The following RNF213 variants were observed in gnomAD, a reference collection of about 807,000 sequenced individuals.
RNF213 encodes E3 ubiquitin-protein ligase RNF213.
Under a neutral mutation model 514.4 loss-of-function variants are expected in RNF213, and 341 were observed. That is an observed-to-expected ratio of 0.66 (90% CI 0.61 to 0.73). The LOEUF (loss-of-function observed/expected upper bound fraction) is 0.73, where lower values mean the gene tolerates loss of function less well. Among genes scored for constraint, RNF213 ranks in the 30% least tolerant of loss-of-function variants. The pLI is 0.00. For missense variants in RNF213, 5,767 were observed against 6,615.6 expected, an observed-to-expected ratio of 0.87 and a Z score of 4.45; for synonymous variants, 2,655 against 2,658.2, an observed-to-expected ratio of 1.00 and a Z score of 0.04.
At position 80,345,225 on chromosome 17, in the gene RNF213, G is replaced by A. The variant is rs779093931; in HGVS notation, c.6890G>A (p.Arg2297Lys). 3 of 1,614,152 alleles carry A rather than the reference G, an allele frequency of 1.9e-6. No homozygotes were observed. The highest frequency in any genetic ancestry group is 2.5e-6 in the Non-Finnish European group (3 of 1,180,038). ...EDLAPFSLRK[R>K]WESEPHPYVF... Reference sequence around the variant, plus strand: ...CTAGCGCCCTTCTCCCTCCGGAAGAGGTGGGAGTCGGAGCCTCACCCATAC... The same window carrying A: ...CTAGCGCCCTTCTCCCTCCGGAAGAAGTGGGAGTCGGAGCCTCACCCATAC... Residue 2297 changes from arginine (R) to lysine (K), a missense_variant, in exon 29 of 68, where the codon AGG (arginine) becomes AAG (lysine). Coordinates refer to ENST00000582970, the MANE Select transcript of RNF213 (RefSeq NM_001256071.3). This position sits in a 1 kb window ranked among gnomAD's most constrained non-coding sequence, Gnocchi z 6.0.
At chr17:80,316,583 T>G (rs143425566) in intron 15 of RNF213, 2 of 173,238 alleles carry the variant, frequency 1.2e-5, no homozygotes, top group African/African-American at 4.7e-5. Flanking sequence ...TGGAGACCAC[T>G]TCCTGGGGGC....
intron 14 of RNF213, among the ~76,000 whole-genome samples, chr17:80,311,570 G>T (rs551953759): frequency 6.6e-6 from 1 of 152,284 alleles, no homozygotes; most frequent in South Asian, 2.1e-4. Flanking sequence ...CTGCATCCTG[G>T]TCCCTCTTAC....
At chr17:80,261,059 C>G (rs1474866011) in intron 1 of RNF213, among the ~76,000 whole-genome samples, 157 bp downstream of exon 1, 1 of 152,014 alleles carries the variant, frequency 6.6e-6, no homozygotes, top group African/African-American at 2.4e-5. Flanking sequence ...GTTTCGCCGC[C>G]GGGGTGCCCG....
intron 63 of RNF213, among the ~76,000 whole-genome samples, 177 bp downstream of exon 63, chr17:80,387,068 G>A (rs2080266738): frequency 6.6e-6 from 1 of 152,204 alleles, no homozygotes; most frequent in Non-Finnish European, 1.5e-5. Flanking sequence ...GGGCCGCAGG[G>A]CTCTCCTGAG....
At chr17:80,334,593 G>A (rs1027222184) in intron 22 of RNF213, among the ~76,000 whole-genome samples, 8 of 150,540 alleles carry the variant, frequency 5.3e-5, no homozygotes, top group Non-Finnish European at 8.9e-5. Flanking sequence ...TGGAGGACAA[G>A]GAGAGTTCCT....
chr17:80,336,992 A>G (rs1406281394), intron 23 of RNF213: 1 of 168,012 alleles, frequency 6.0e-6, no homozygotes, highest in Non-Finnish European at 1.3e-5. Context: ...GCTTAACTAG[A>G]TACCTGGGCC....
Position 80,373,040 on chromosome 17 carries a change from G to A in RNF213, c.12817G>A (p.Asp4273Asn), listed in dbSNP as rs141329059. 4.4e-3 allele frequency: 7,131 copies of A among 1,614,008 alleles called. 25 individuals carry two copies. The highest frequency in any genetic ancestry group is 5.5e-3 in the Non-Finnish European group (6,519 of 1,179,998). Residue 4273 changes from aspartate (D) to asparagine (N), a missense_variant, in exon 49 of 68, where the codon GAC becomes AAC. Transcript: ENST00000582970. Reference sequence around the variant, plus strand: ...GCAGTTCTGTATCCGGGTGGAGAACGACTGGCACCGGGTGTACCTGGTGCG... The same window carrying A: ...GCAGTTCTGTATCCGGGTGGAGAACAACTGGCACCGGGTGTACCTGGTGCG... ...VKQFCIRVEN[D>N]WHRVYLVRKL...
chr17:80,349,474 T>C (rs181597352), intron 29 of RNF213, among the ~76,000 whole-genome samples: 1 of 152,180 alleles, frequency 6.6e-6, no homozygotes, highest in Admixed American at 6.5e-5. Context: ...CCCTAAGGGA[T>C]CATGAGAATC....
At position 80,332,436 on chromosome 17, in the gene RNF213, C is replaced by A; in HGVS notation, c.3948C>A (p.Asp1316Glu). The change falls in exon 21 of 68, where the codon GAC (aspartate) becomes GAA (glutamate). Residue 1316 changes from aspartate (D) to glutamate (E), a missense_variant. Physicochemically the swap from Asp to Glu is conservative, Grantham distance 45. This residue lies in a region of RNF213 where 516 missense variants were observed against 566.5 expected (regional missense o/e 0.91). Coordinates refer to ENST00000582970, the MANE Select transcript of RNF213 (RefSeq NM_001256071.3). ...IFKDFVNKYT[D>E]LDSELKIMCT... ...AGGACTTTGTGAATAAATACACGGA[C>A]CTGGATTCAGAACTTAAGATCATGT... is the stretch of plus-strand genomic sequence containing the variant. The A allele has an allele frequency of 6.5e-7, 1 of 1,537,170 alleles. No homozygotes were observed. Among genetic ancestry groups the A allele is most frequent in the Non-Finnish European group, 8.7e-7 (1 of 1,146,910 alleles).
At chr17:80,331,339 G>T (rs2046408875) in intron 20 of RNF213, among the ~76,000 whole-genome samples, 1 of 150,408 alleles carries the variant, frequency 6.6e-6, no homozygotes, top group Non-Finnish European at 1.5e-5. Context: ...CTAAAATTTT[G>T]TTCCTGTTAT....
intron 25 of RNF213, 21 bp downstream of exon 25, chr17:80,338,018 T>C (rs2078039053): frequency 6.5e-7 from 1 of 1,537,150 alleles, no homozygotes; most frequent in African/African-American, 1.4e-5. Context: ...ATCTTTGCAG[T>C]GGCGCTAAGC....
chr17:80,351,995 C>T (rs560223423), intron 32 of RNF213, 192 bp downstream of exon 32: 108 of 459,990 alleles, frequency 2.3e-4, no homozygotes, highest in Non-Finnish European at 4.0e-4. Flanking sequence ...GCTGGCATTA[C>T]AGGCGTGCGC....
At chr17:80,290,852 C>T in intron 7 of RNF213, 124 bp downstream of exon 7, 3 of 1,128,300 alleles carry the variant, frequency 2.7e-6, no homozygotes, top group South Asian at 1.4e-5. Flanking sequence ...CTGTGTCACC[C>T]AGGCTGGAGT....
At chr17:80,351,225 G>A (rs4890013) in intron 31 of RNF213, among the ~76,000 whole-genome samples, 29,520 of 152,188 alleles carry the variant, frequency 0.19, 3,189 homozygotes, top group African/African-American at 0.29. Flanking sequence ...GCTGTTTCCT[G>A]TAATCCTAGC....
chr17:80,367,173 A>G (rs749038442), intron 42 of RNF213, among the ~76,000 whole-genome samples: 1 of 152,230 alleles, frequency 6.6e-6, no homozygotes, highest in Admixed American at 6.5e-5. Flanking sequence ...TATCATTGAT[A>G]TCAAGTTTTA....
At chr17:80,327,648 A>G (rs1193828822) in intron 18 of RNF213, among the ~76,000 whole-genome samples, 168 bp from the exon 19 acceptor site, 1 of 152,180 alleles carries the variant, frequency 6.6e-6, no homozygotes, top group African/African-American at 2.4e-5. Context: ...TCGTGGGGGA[A>G]AGCAGAAGGG....
intron 16 of RNF213, 64 bp from the exon 17 acceptor site, chr17:80,319,126 T>C: frequency 6.2e-7 from 1 of 1,613,624 alleles, no homozygotes. Context: ...AGAATTTTCA[T>C]CCCATAGAGC....
rs553786680 is a variant in RNF213, at chr17:80,383,670, C to T, written c.14071-7C>T. On this transcript the variant is annotated splice_region_variant and splice_polypyrimidine_tract_variant and intron_variant, in intron 58 of 67. Coordinates refer to ENST00000582970, the MANE Select transcript of RNF213 (RefSeq NM_001256071.3). ...CCAGAATTTTTTTTTTCATTTTCTC[C>T]ATCCAGCATCTAGATAAAACCCTTC... The T allele has an allele frequency of 3.2e-5, 52 of 1,613,804 alleles. No homozygotes were observed. The African/African-American group carries it at 4.5e-4, about 14-fold the overall frequency.
rs867401806 is a variant in RNF213, at chr17:80,376,964, G to GT, written c.13510+2dup. 2.5e-6 allele frequency: 4 copies of GT among 1,612,202 alleles called. No homozygotes were observed. The South Asian group carries it at 4.4e-5, about 18-fold the overall frequency. ...GGTCTGGAGCGAGTCCACTGGTACAGTAAGTGTTGGGGTCTAGATGACCCC... is the reference window on the plus strand; with the variant it reads ...GGTCTGGAGCGAGTCCACTGGTACAGTTAAGTGTTGGGGTCTAGATGACCCC... On this transcript the variant is annotated splice_donor_variant, in intron 53 of 67. Coordinates refer to ENST00000582970, the MANE Select transcript of RNF213 (RefSeq NM_001256071.3). LOFTEE classifies it high-confidence loss of function.
Sources: gnomAD v4.1 joint callset for allele counts (sites outside exome capture counted in the v4.1 genomes callset) on GRCh38, gnomAD v4.1.1 for gene constraint, gnomAD v4.1.1 regional missense constraint, Gnocchi (gnomAD v3.1) non-coding constraint, MANE v1.5 for transcripts, NCBI Gene and HGNC (gene_info 2026-07-23, HGNC 2026-07-21) for gene names.